PDE4D: variants seen among roughly 807,000 people sequenced by gnomAD.
The protein encoded by PDE4D is 3',5'-cyclic-AMP phosphodiesterase 4D.
PDE4D carries 24 observed loss-of-function variants against 87.4 expected under a neutral mutation model. The observed-to-expected ratio is 0.27, with a 90% confidence interval of 0.20 to 0.39. PDE4D has a LOEUF of 0.39. Ranked by LOEUF, PDE4D falls within the 10% of genes least tolerant of loss-of-function variation. The probability of loss-of-function intolerance (pLI) is 1.00; values close to 1 mark genes in which losing one functional copy is unlikely to be tolerated. For missense variants in PDE4D, 714 were observed against 1,041.0 expected, an observed-to-expected ratio of 0.69 and a Z score of 4.32; for synonymous variants, 384 against 383.2, an observed-to-expected ratio of 1.00 and a Z score of -0.02.
At chr5:59,837,371 T>A (rs964636254) in intron 1 of PDE4D, among the ~76,000 whole-genome samples, 10 of 152,056 alleles carry the variant, frequency 6.6e-5, no homozygotes, top group Non-Finnish European at 7.4e-5. Context: ...AGCCTTTAAC[T>A]GTTTTAGGTG....
At chr5:59,384,262 T>C (rs1209571945) in intron 1 of PDE4D, among the ~76,000 whole-genome samples, 1 of 152,160 alleles carries the variant, frequency 6.6e-6, no homozygotes, top group South Asian at 2.1e-4. Context: ...CCATTAGCGA[T>C]ACTGGCTCTC....
chr5:59,889,542 ATGTCCCC>A (rs952859494), intron 1 of PDE4D, among the ~76,000 whole-genome samples: 25 of 152,290 alleles, frequency 1.6e-4, no homozygotes, highest in Admixed American at 6.5e-4. Context: ...TCTAAATCAA[ATGTCCCC>A]TTCTGGATAT....
intron 1 of PDE4D, among the ~76,000 whole-genome samples, chr5:59,378,515 A>G (rs903253161): frequency 2.6e-5 from 4 of 152,222 alleles, no homozygotes; most frequent in Non-Finnish European, 4.4e-5. Context: ...TAAGGATTAA[A>G]AGCTCCAAGA....
intron 1 of PDE4D, among the ~76,000 whole-genome samples, chr5:59,631,374 C>T (rs1479577567): frequency 6.6e-6 from 1 of 152,128 alleles, no homozygotes; most frequent in Non-Finnish European, 1.5e-5. Flanking sequence ...ATTCTTAAAA[C>T]TATATTACTG....
At chr5:60,164,681 G>A (rs912075508) in intron 2 of PDE4D, among the ~76,000 whole-genome samples, 1 of 152,174 alleles carries the variant, frequency 6.6e-6, no homozygotes, top group Non-Finnish European at 1.5e-5. Context: ...CAAGGAAAAT[G>A]TGATGGAAAT....
At chr5:59,668,848 A>AGAG (rs1443934873) in intron 1 of PDE4D, among the ~76,000 whole-genome samples, 927 of 38,498 alleles carry the variant, frequency 0.024, 4 homozygotes, top group East Asian at 0.055. Context: ...AGGAAGAGGA[A>AGAG]GAAGAAGAAG....
At chr5:60,276,874 A>G (rs780604863) in intron 1 of PDE4D, among the ~76,000 whole-genome samples, 5 of 151,400 alleles carry the variant, frequency 3.3e-5, no homozygotes, top group Non-Finnish European at 2.9e-5. Context: ...CTTTTCTGTG[A>G]TTAATATTTA....
chr5:59,289,265 G>T (rs1767560358), intron 1 of PDE4D, among the ~76,000 whole-genome samples: 1 of 151,988 alleles, frequency 6.6e-6, no homozygotes, highest in South Asian at 2.1e-4. Context: ...TGCAATCAGT[G>T]TTAAGTTGTT....
chr5:59,251,700 C>A (rs969851822), intron 1 of PDE4D, among the ~76,000 whole-genome samples: 2 of 152,078 alleles, frequency 1.3e-5, no homozygotes, highest in African/African-American at 2.4e-5. Flanking sequence ...GAATATAAAT[C>A]ATTCTACCAT....
intron 5 of PDE4D, among the ~76,000 whole-genome samples, chr5:59,072,203 C>G (rs1333149297): frequency 1.3e-5 from 2 of 152,044 alleles, no homozygotes; most frequent in Admixed American, 1.3e-4. Context: ...TACCTTGCAC[C>G]ATTATCTTTG....
intron 1 of PDE4D, among the ~76,000 whole-genome samples, chr5:60,307,931 C>T (rs887772685): frequency 1.3e-5 from 2 of 152,104 alleles, no homozygotes; most frequent in African/African-American, 4.8e-5. Context: ...ATCCAAGCTA[C>T]TCGGAAGGCT....
intron 1 of PDE4D, among the ~76,000 whole-genome samples, chr5:60,201,988 T>C (rs982806419): frequency 6.6e-6 from 1 of 152,160 alleles, no homozygotes; most frequent in African/African-American, 2.4e-5. Flanking sequence ...ACTTATATTA[T>C]GCCAGAATAA....
intron 1 of PDE4D, among the ~76,000 whole-genome samples, chr5:60,202,746 C>T (rs1459941505): frequency 2.0e-5 from 3 of 151,682 alleles, no homozygotes; most frequent in African/African-American, 7.3e-5. Flanking sequence ...TAAGGAGATG[C>T]CTATTTTGTC....
chr5:60,511,120 C>T (rs564367185), intron 1 of PDE4D, among the ~76,000 whole-genome samples: 2 of 152,260 alleles, frequency 1.3e-5, no homozygotes, highest in South Asian at 4.1e-4. Context: ...TAGGTGCTTG[C>T]CACCATGCCG....
chr5:59,074,908 A>G (rs773885786), intron 5 of PDE4D, among the ~76,000 whole-genome samples: 2 of 152,186 alleles, frequency 1.3e-5, no homozygotes, highest in African/African-American at 2.4e-5. Context: ...AGCACTTTTT[A>G]TTATATCATA....
At chr5:59,004,580 A>G (rs1751198605) in intron 6 of PDE4D, among the ~76,000 whole-genome samples, 1 of 152,268 alleles carries the variant, frequency 6.6e-6, no homozygotes, top group Non-Finnish European at 1.5e-5. Flanking sequence ...CATCTTCACA[A>G]TATACACTAT....
At chr5:60,281,696 A>G (rs1227189079) in intron 1 of PDE4D, among the ~76,000 whole-genome samples, 1 of 152,202 alleles carries the variant, frequency 6.6e-6, no homozygotes, top group Non-Finnish European at 1.5e-5. Flanking sequence ...AGTTAATAAT[A>G]AACTTAGTAA....
intron 2 of PDE4D, among the ~76,000 whole-genome samples, chr5:60,042,043 C>T (rs1249466086): frequency 6.6e-6 from 1 of 152,114 alleles, no homozygotes; most frequent in African/African-American, 2.4e-5. Flanking sequence ...GCCCAGCAAG[C>T]TAAGATCCAC....
At chr5:59,664,788 A>C (rs760788565) in intron 1 of PDE4D, among the ~76,000 whole-genome samples, 5 of 152,242 alleles carry the variant, frequency 3.3e-5, no homozygotes, top group Non-Finnish European at 7.3e-5. Context: ...TAACCTTTCT[A>C]TACTTAAAAG....
Sources: allele counts gnomAD v4.1 joint callset (sites outside exome capture counted in the v4.1 genomes callset), GRCh38; gene constraint gnomAD v4.1.1; transcripts MANE v1.5; gene names NCBI Gene and HGNC (gene_info 2026-07-23, HGNC 2026-07-21).